Variants in NUMB observed in about 807,000 individuals in gnomAD.
The protein encoded by NUMB is protein numb homolog.
In NUMB, 29 loss-of-function variants were observed where a neutral mutation model predicts 59.7. The observed-to-expected ratio is 0.49, with a 90% CI of 0.36 to 0.66. The LOEUF (loss-of-function observed/expected upper bound fraction) is 0.66. Among genes scored for constraint, NUMB ranks in the 30% least tolerant of loss-of-function variants. NUMB has a pLI of 0.00. For missense variants in NUMB, 723 were observed against 822.0 expected (o/e 0.88, Z 1.47); for synonymous variants, 288 against 288.2 (o/e 1.00, Z 0.01).
intron 1 of NUMB, among the ~76,000 whole-genome samples, chr14:73,432,011 T>C (rs1897854163): frequency 6.6e-6 from 1 of 151,944 alleles, no homozygotes; most frequent in Non-Finnish European, 1.5e-5. Context: ...AGCAGCACTC[T>C]CAAAAGTCCA....
chr14:73,290,363 A>C (rs1053961039), intron 8 of NUMB, among the ~76,000 whole-genome samples: 6 of 152,198 alleles, frequency 3.9e-5, no homozygotes, highest in Non-Finnish European at 4.4e-5. Context: ...GTGTGCTTAT[A>C]ATCTTTATCC....
chr14:73,448,006 C>G (rs1883658962), intron 1 of NUMB, among the ~76,000 whole-genome samples: 1 of 152,082 alleles, frequency 6.6e-6, no homozygotes, highest in Non-Finnish European at 1.5e-5. Flanking sequence ...CCACGTTGGC[C>G]AGGCTGGTCT....
chr14:73,378,992 C>T (rs1048746240), intron 2 of NUMB, among the ~76,000 whole-genome samples: 5 of 152,076 alleles, frequency 3.3e-5, no homozygotes, highest in African/African-American at 1.2e-4. Context: ...GTACTTTCTG[C>T]TCAATTTTGC....
intron 4 of NUMB, among the ~76,000 whole-genome samples, chr14:73,354,817 G>C (rs1373897608): frequency 2.4e-4 from 3 of 12,496 alleles, no homozygotes; most frequent in African/African-American, 4.5e-4. Flanking sequence ...TATGGAGACA[G>C]ACTGTGCCTC....
chr14:73,458,392 G>A (rs1884586529), intron 1 of NUMB, 101 bp downstream of exon 1: 1 of 152,886 alleles, frequency 6.5e-6, no homozygotes, highest in African/African-American at 2.4e-5. Context: ...CCGACCCGAA[G>A]TCCAGGCCCC....
intron 2 of NUMB, among the ~76,000 whole-genome samples, chr14:73,404,331 T>C (rs1896558529): frequency 6.6e-6 from 1 of 152,020 alleles, no homozygotes; most frequent in Admixed American, 6.6e-5. Flanking sequence ...AGACTCTTGT[T>C]GAAAAAAATT....
chr14:73,316,561 C>A lies in NUMB; in HGVS notation c.202-139G>T, dbSNP rs528597876. 10 of 729,658 alleles carry A rather than the reference C, an allele frequency of 1.4e-5. No individual in the cohort carries two copies. The African/African-American group carries it at 1.8e-4, about 13-fold the overall frequency. The allele number at this position is 729,658 out of a possible 1,614,324, so 45.2% of individuals were successfully genotyped here. ...GTGGGAGTGAGTTTCAAAGAGTTATCCACACCAGGAGTGACAGGGAAAAAG... is the reference window on the plus strand; with the variant it reads ...GTGGGAGTGAGTTTCAAAGAGTTATACACACCAGGAGTGACAGGGAAAAAG... On this transcript the variant is annotated intron_variant, in intron 5 of 12. Transcript: ENST00000555238.
At chr14:73,327,569 T>C (rs950170701) in intron 4 of NUMB, among the ~76,000 whole-genome samples, 3 of 152,042 alleles carry the variant, frequency 2.0e-5, no homozygotes, top group Non-Finnish European at 4.4e-5. Flanking sequence ...GAATTATTAA[T>C]ATGAGGCGGA....
chr14:73,390,463 T>C (rs576153185), intron 2 of NUMB, among the ~76,000 whole-genome samples: 1 of 152,194 alleles, frequency 6.6e-6, no homozygotes, highest in African/African-American at 2.4e-5. Flanking sequence ...TTTCATGTTA[T>C]CTGTTCAAAC....
chr14:73,316,517 G>A, intron 5 of NUMB, 95 bp from the exon 6 acceptor site: 3 of 1,134,278 alleles, frequency 2.6e-6, no homozygotes, highest in Admixed American at 3.8e-5. Flanking sequence ...ATTGGGGAAA[G>A]GAAAAAGTGG....
intron 10 of NUMB, 148 bp downstream of exon 10, chr14:73,283,933 C>A: frequency 1.4e-6 from 1 of 721,606 alleles, no homozygotes; most frequent in South Asian, 1.9e-5. Context: ...CTTAGTTTTC[C>A]CACTATGGGA....
chr14:73,352,761 C>G (rs1040117436), intron 4 of NUMB, among the ~76,000 whole-genome samples: 5 of 145,300 alleles, frequency 3.4e-5, no homozygotes, highest in Non-Finnish European at 6.0e-5. Flanking sequence ...CCAGGATGGT[C>G]TCAATCTCCT....
At chr14:73,341,550 T>C (rs1892629833) in intron 4 of NUMB, among the ~76,000 whole-genome samples, 1 of 152,090 alleles carries the variant, frequency 6.6e-6, no homozygotes, top group Non-Finnish European at 1.5e-5. Context: ...GGAAATGGGG[T>C]AGGAAAAGTG....
intron 2 of NUMB, among the ~76,000 whole-genome samples, chr14:73,383,731 G>C (rs1034657444): frequency 3.3e-5 from 5 of 152,028 alleles, no homozygotes; most frequent in Non-Finnish European, 7.4e-5. Flanking sequence ...AAAAACAATG[G>C]GGGGCTGGGC....
intron 6 of NUMB, among the ~76,000 whole-genome samples, chr14:73,306,627 G>GT (rs779760401): frequency 6.6e-6 from 1 of 152,160 alleles, no homozygotes; most frequent in Non-Finnish European, 1.5e-5. Flanking sequence ...TTCTAAGTTA[G>GT]TTTAACTGGA....
intron 3 of NUMB, among the ~76,000 whole-genome samples, chr14:73,357,821 G>A (rs1285677894): frequency 6.7e-6 from 1 of 149,244 alleles, no homozygotes; most frequent in African/African-American, 2.5e-5. Flanking sequence ...ACAAATACAA[G>A]TATAAGAAAA....
At chr14:73,372,991 GATTTTTTGT>G (rs1417994812) in intron 2 of NUMB, among the ~76,000 whole-genome samples, 8 of 151,972 alleles carry the variant, frequency 5.3e-5, no homozygotes, top group African/African-American at 1.9e-4. Flanking sequence ...TATCCTTATT[GATTTTTTGT>G]TTTTCATAAA....
intron 2 of NUMB, among the ~76,000 whole-genome samples, chr14:73,381,682 C>T (rs1029987589): frequency 1.3e-5 from 2 of 152,178 alleles, no homozygotes; most frequent in Non-Finnish European, 2.9e-5. Flanking sequence ...AGGCACCTTT[C>T]CTCCCTACAA....
intron 2 of NUMB, among the ~76,000 whole-genome samples, chr14:73,381,978 C>T (rs1446910565): frequency 1.3e-5 from 2 of 152,130 alleles, no homozygotes; most frequent in Admixed American, 6.6e-5. Flanking sequence ...TTTTGGAAAC[C>T]TCACAGCGAC....
Sources: allele counts gnomAD v4.1 joint callset (sites outside exome capture counted in the v4.1 genomes callset), GRCh38; gene constraint gnomAD v4.1.1; transcripts MANE v1.5; gene names NCBI Gene and HGNC (gene_info 2026-07-23, HGNC 2026-07-21).